APH1B: variants seen among roughly 807,000 people sequenced by gnomAD.
The protein encoded by APH1B is gamma-secretase subunit APH-1B.
A neutral mutation model predicts 28.2 loss-of-function variants in APH1B; 27 were observed. That is an observed-to-expected ratio of 0.96 (90% CI 0.70 to 1.32). The LOEUF (loss-of-function observed/expected upper bound fraction) is 1.32. APH1B is among the 40% of genes most tolerant of loss of function. APH1B has a pLI of 0.00. For missense variants in APH1B, 305 were observed against 313.6 expected (o/e 0.97, Z 0.21); for synonymous variants, 141 against 124.6 (o/e 1.13, Z -0.88).
At chr15:63,302,589 A>C in intron 5 of APH1B, 117 bp downstream of exon 5, 2 of 1,373,148 alleles carry the variant, frequency 1.5e-6, no homozygotes, top group Non-Finnish European at 1.9e-6. Context: ...AATTCAGAAA[A>C]GCTATTTAAG....
chr15:63,282,173 GCT>G (rs1246002170), intron 2 of APH1B, among the ~76,000 whole-genome samples: 5 of 152,104 alleles, frequency 3.3e-5, no homozygotes, highest in Non-Finnish European at 7.4e-5. Flanking sequence ...CATTTACATT[GCT>G]CTCTTATTCT....
At chr15:63,302,916 G>A (rs2038648098) in intron 5 of APH1B, among the ~76,000 whole-genome samples, 1 of 152,102 alleles carries the variant, frequency 6.6e-6, no homozygotes, top group East Asian at 1.9e-4. Context: ...CAAGGATGGG[G>A]CCTTATCTTC....
rs552435720 is a variant in APH1B at position 63,284,041 on chromosome 15, T to G, written c.285-2517T>G. Among the ~76,000 whole-genome samples the G allele has an allele frequency of 8.5e-5, 13 of 152,362 alleles. No individual in the cohort carries two copies. In the East Asian group the frequency reaches 2.5e-3, roughly 29 times the overall value. On this transcript the variant is annotated intron_variant, in intron 2 of 5. Coordinates refer to ENST00000261879, the MANE Select transcript of APH1B (RefSeq NM_031301.4). ...GACTGTCAATTTTATTCTGTTAATC[T>G]GTGTGTCTGCCCTTACACCAGTATA...
intron 4 of APH1B, among the ~76,000 whole-genome samples, chr15:63,295,888 G>A (rs548067391): frequency 3.3e-5 from 5 of 152,290 alleles, no homozygotes; most frequent in South Asian, 2.1e-4. Flanking sequence ...TGTAGAGGAC[G>A]GGATCAGACA....
intron 4 of APH1B, among the ~76,000 whole-genome samples, chr15:63,290,901 C>T (rs964639279): frequency 4.0e-5 from 6 of 151,344 alleles, no homozygotes; most frequent in African/African-American, 1.5e-4. Context: ...TAGAGATTTA[C>T]TTAAAGGGTG....
chr15:63,277,951 C>G, intron 1 of APH1B: 1 of 574,710 alleles, frequency 1.7e-6, no homozygotes. Context: ...TTGCCTGGGG[C>G]TCATGGGTGG....
intron 2 of APH1B, among the ~76,000 whole-genome samples, chr15:63,281,259 A>G (rs1214940174): frequency 3.9e-5 from 6 of 152,154 alleles, no homozygotes. Context: ...AACAGTCCTC[A>G]TTTCTTCACC....
chr15:63,283,803 C>T (rs1467966432), intron 2 of APH1B, among the ~76,000 whole-genome samples: 1 of 152,278 alleles, frequency 6.6e-6, no homozygotes, highest in East Asian at 1.9e-4. Context: ...ATGTATTCTT[C>T]TGACAGTTTT....
Position 63,304,076 on chromosome 15 carries a change from C to T in APH1B, c.607-1538C>T, listed in dbSNP as rs767414206. 2.0e-5 allele frequency among the ~76,000 whole-genome samples: 3 copies of T among 152,096 alleles called. No individual in the cohort carries two copies. The highest frequency in any genetic ancestry group is 7.2e-5 in the African/African-American group (3 of 41,390). ...TCACTGCATTCTCTTTATTGTTAGT[C>T]GTCCTGCTGGCTATGTCATGGTATC... is the stretch of plus-strand genomic sequence containing the variant. On this transcript the variant is annotated intron_variant, in intron 5 of 5. Coordinates refer to ENST00000261879, the MANE Select transcript of APH1B (RefSeq NM_031301.4). The surrounding 1 kb of genome is among the most constrained non-coding windows in gnomAD (Gnocchi z 5.1).
intron 2 of APH1B, among the ~76,000 whole-genome samples, chr15:63,282,249 T>A (rs536187514): frequency 6.6e-6 from 1 of 152,190 alleles, no homozygotes; most frequent in Non-Finnish European, 1.5e-5. Context: ...CCAAAGTAGG[T>A]CTTGAACTTT....
chr15:63,307,019 G>A lies in APH1B; in HGVS notation c.*1238G>A, dbSNP rs1034803797. The A allele has an allele frequency of 1.3e-5, 2 of 152,150 alleles. No homozygotes were observed. The highest frequency in any genetic ancestry group is 2.4e-5 in the African/African-American group (1 of 41,440). 9.4% of individuals were successfully genotyped at this position (152,150 alleles called of 1,614,324 possible). A position where few individuals can be genotyped will look rare whatever the true frequency, so the allele number is the denominator to read the frequency against. The stretch of plus-strand genomic sequence containing the variant: ...TATAAAGGGAAAATTCTGGCAAATC[G>A]TGCCTTTACTATTAGAAATTGTTCC... On this transcript the variant is annotated 3_prime_UTR_variant, in exon 6 of 6. Transcript: ENST00000261879.
Position 63,307,165 on chromosome 15 carries a change from A to C in APH1B, c.*1384A>C, listed in dbSNP as rs1326437218. 1 of 152,242 alleles carries C rather than the reference A, an allele frequency of 6.6e-6. No homozygotes were observed. The highest frequency in any genetic ancestry group is 1.5e-5 in the Non-Finnish European group (1 of 68,046). The allele number at this position is 152,242 out of a possible 1,614,324, so 9.4% of individuals were successfully genotyped here. A position where few individuals can be genotyped will look rare whatever the true frequency, so the allele number is the denominator to read the frequency against. Reference sequence around the variant, plus strand: ...TCAGAAGAGAGGAGCAGCAATCCTGAGGGGCTGGGGGAGTGACAGTGGCAG... The same window carrying C: ...TCAGAAGAGAGGAGCAGCAATCCTGCGGGGCTGGGGGAGTGACAGTGGCAG... On this transcript the variant is annotated 3_prime_UTR_variant, in exon 6 of 6. Coordinates refer to ENST00000261879, the MANE Select transcript of APH1B (RefSeq NM_031301.4).
In APH1B at chr15:63,305,928, C is replaced by A; in HGVS notation, c.*147C>A. ...GCGTTCCATTCACTTGGCTTTCACA[C>A]AACTGCTCTCCGAAAGGGGTGCTCA... On this transcript the variant is annotated 3_prime_UTR_variant, in exon 6 of 6. Coordinates refer to ENST00000261879, the MANE Select transcript of APH1B (RefSeq NM_031301.4). The A allele has an allele frequency of 9.3e-7, 1 of 1,073,260 alleles. No homozygotes were observed. The highest frequency in any genetic ancestry group is 2.9e-5 in the Admixed American group (1 of 34,140). 66.5% of individuals were successfully genotyped at this position (1,073,260 alleles called of 1,614,324 possible). A position where few individuals can be genotyped will look rare whatever the true frequency, so the allele number is the denominator to read the frequency against.
Position 63,284,218 on chromosome 15 carries a change from CT to C in APH1B, c.285-2325del, listed in dbSNP as rs34480156. Among the ~76,000 whole-genome samples the C allele has an allele frequency of 9.0e-3, 1,244 of 137,996 alleles. 10 individuals carry two copies. The highest frequency in any genetic ancestry group is 0.025 in the African/African-American group (956 of 37,546). 90.5% of individuals were successfully genotyped at this position (137,996 alleles called of 152,430 possible). ...ACTGTACATAATTGTATGTGCTTTG[CT>C]TTTTTTTTTTTTTTGAGACAGGGCC... On this transcript the variant is annotated intron_variant, in intron 2 of 5. Transcript: ENST00000261879.
At chr15:63,282,786 A>T (rs2038402279) in intron 2 of APH1B, among the ~76,000 whole-genome samples, 1 of 152,190 alleles carries the variant, frequency 6.6e-6, no homozygotes, top group African/African-American at 2.4e-5. Flanking sequence ...ACATTAAGAT[A>T]ACCATTGCTA....
intron 1 of APH1B, 93 bp from the exon 2 acceptor site, chr15:63,279,068 C>T: frequency 9.6e-7 from 1 of 1,041,806 alleles, no homozygotes; most frequent in Non-Finnish European, 1.3e-6. Flanking sequence ...AAATCTCTTC[C>T]TTCTCAAGCA....
chr15:63,299,263 C>G (rs1407653421), intron 4 of APH1B, among the ~76,000 whole-genome samples: 1 of 152,012 alleles, frequency 6.6e-6, no homozygotes. Context: ...TAAGAAGGAC[C>G]AAGAAATATG....
chr15:63,298,564 T>A (rs1170464076), intron 4 of APH1B, among the ~76,000 whole-genome samples: 1 of 152,192 alleles, frequency 6.6e-6, no homozygotes, highest in African/African-American at 2.4e-5. Context: ...ATATAAATGG[T>A]CATTGCTGGC....
intron 2 of APH1B, among the ~76,000 whole-genome samples, chr15:63,281,704 A>C (rs2038390906): frequency 6.6e-6 from 1 of 151,750 alleles, no homozygotes; most frequent in Non-Finnish European, 1.5e-5. Flanking sequence ...TTTTCCTGGC[A>C]CTAACTTAGG....
Sources: allele counts gnomAD v4.1 joint callset (sites outside exome capture counted in the v4.1 genomes callset), GRCh38; gene constraint gnomAD v4.1.1; non-coding constraint Gnocchi (gnomAD v3.1); transcripts MANE v1.5; gene names NCBI Gene and HGNC (gene_info 2026-07-23, HGNC 2026-07-21).